Variants in MACO1 observed in about 807,000 individuals in gnomAD.
The protein encoded by MACO1 is macoilin 1, also known as macoilin.
A neutral mutation model predicts 78.7 loss-of-function variants in MACO1; 14 were observed. That is an observed-to-expected ratio of 0.18 (90% CI 0.12 to 0.28). MACO1 has a LOEUF of 0.28. Ranked by LOEUF, MACO1 falls within the 10% of genes least tolerant of loss-of-function variation. The pLI is 1.00. For synonymous variants in MACO1, 288 were observed against 291.6 expected (o/e 0.99, Z 0.12); for missense variants, 501 against 799.0 (o/e 0.63, Z 4.50).
chr1:25,460,783 A>G (rs1205355497), intron 6 of MACO1, among the ~76,000 whole-genome samples: 1 of 152,148 alleles, frequency 6.6e-6, no homozygotes, highest in Non-Finnish European at 1.5e-5. Context: ...CCCCGTGCCT[A>G]CACCTAAGGA....
chr1:25,451,610 A>C (rs1302321608), intron 3 of MACO1, among the ~76,000 whole-genome samples: 1 of 152,160 alleles, frequency 6.6e-6, no homozygotes, highest in Non-Finnish European at 1.5e-5. Flanking sequence ...TACATTGTGA[A>C]AATACCTATT....
chr1:25,481,543 C>T (rs1248537882), intron 6 of MACO1, among the ~76,000 whole-genome samples: 1 of 152,212 alleles, frequency 6.6e-6, no homozygotes, highest in Non-Finnish European at 1.5e-5. Flanking sequence ...AAAATGCAAT[C>T]CTCAGACTGT....
chr1:25,460,667 G>T (rs921449389), intron 6 of MACO1, among the ~76,000 whole-genome samples: 3 of 152,122 alleles, frequency 2.0e-5, no homozygotes, highest in African/African-American at 7.2e-5. Flanking sequence ...ATGATGGTTT[G>T]TGATATTGAT....
intron 2 of MACO1, among the ~76,000 whole-genome samples, chr1:25,447,206 C>T (rs1313733334): frequency 2.2e-5 from 3 of 134,732 alleles, no homozygotes; most frequent in African/African-American, 4.9e-5. Flanking sequence ...CCATAAAGGC[C>T]GTTCCTACCT....
chr1:25,462,602 A>G (rs1260446053), intron 6 of MACO1, among the ~76,000 whole-genome samples: 1 of 152,236 alleles, frequency 6.6e-6, no homozygotes, highest in African/African-American at 2.4e-5. Context: ...CTGTAATAAT[A>G]TAGATTAATT....
intron 10 of MACO1, among the ~76,000 whole-genome samples, chr1:25,491,841 TGAA>T (rs1464874174): frequency 6.6e-6 from 1 of 152,192 alleles, no homozygotes; most frequent in East Asian, 1.9e-4. Context: ...ACAGTGTTGT[TGAA>T]GAAGTAGAGA....
rs565944285 is a variant in MACO1 at position 25,469,089 on chromosome 1, T to A, written c.1154+10197T>A. ...AGCTCCTGACCTCAAGTGATCTGCC[T>A]GCCTTGGCCTCCCAAAGTGCTAGGA... On this transcript the variant is annotated intron_variant, in intron 6 of 10. Coordinates refer to ENST00000374343, the MANE Select transcript of MACO1 (RefSeq NM_018202.6). Among the ~76,000 whole-genome samples the A allele has an allele frequency of 5.6e-3, 695 of 123,612 alleles. 4 individuals carry two copies. Among genetic ancestry groups the A allele is most frequent in the African/African-American group, 0.017 (671 of 40,094 alleles). 81.1% of individuals were successfully genotyped at this position (123,612 alleles called of 152,430 possible).
intron 10 of MACO1, among the ~76,000 whole-genome samples, chr1:25,496,543 A>G (rs1357834884): frequency 1.3e-5 from 2 of 152,186 alleles, no homozygotes; most frequent in African/African-American, 4.8e-5. Context: ...AAGACCAGGA[A>G]GCTACATAGA....
Position 25,485,353 on chromosome 1 carries a change from A to C in MACO1, c.1314-260A>C, listed in dbSNP as rs932516481. On this transcript the variant is annotated intron_variant, in intron 7 of 10. Transcript: ENST00000374343. This position sits in a 1 kb window ranked among gnomAD's most constrained non-coding sequence, Gnocchi z 4.3. ...TTTGTTTTACCCTGTTTTCTGGATG[A>C]CCTTTTGTAGATCACTTACTTGAAC... is the stretch of plus-strand genomic sequence containing the variant. Among the ~76,000 whole-genome samples, 1 of 152,090 alleles carries C rather than the reference A, an allele frequency of 6.6e-6. No individual in the cohort carries two copies. The highest frequency in any genetic ancestry group is 2.4e-5 in the African/African-American group (1 of 41,416).
At chr1:25,444,472 G>A (rs768924064) in intron 1 of MACO1, among the ~76,000 whole-genome samples, 3 of 152,030 alleles carry the variant, frequency 2.0e-5, no homozygotes, top group East Asian at 1.9e-4. Flanking sequence ...CGTAGAAAGG[G>A]TTCTAGACAC....
intron 7 of MACO1, 63 bp downstream of exon 7, chr1:25,484,337 AG>A: frequency 1.3e-6 from 2 of 1,497,734 alleles, no homozygotes; most frequent in Non-Finnish European, 1.8e-6. Context: ...TCCTGTTGCC[AG>A]GGGTTGGAGC....
At position 25,484,092 on chromosome 1, in the gene MACO1, A is replaced by G. The variant is rs1373058293; in HGVS notation, c.1155-24A>G. 3.1e-6 allele frequency: 5 copies of G among 1,593,122 alleles called. No individual in the cohort carries two copies. The African/African-American group carries it at 4.0e-5, about 13-fold the overall frequency. Reference sequence around the variant, plus strand: ...TGTGGGTGCCCTCACCTAGATGAAAATGCTGCATTTCTCATTCTCCTAGGC... The same window carrying G: ...TGTGGGTGCCCTCACCTAGATGAAAGTGCTGCATTTCTCATTCTCCTAGGC... On this transcript the variant is annotated intron_variant, in intron 6 of 10. Coordinates refer to ENST00000374343, the MANE Select transcript of MACO1 (RefSeq NM_018202.6).
rs1221019427 is a variant in MACO1 at position 25,489,301 on chromosome 1, G to C, written c.1617+8G>C. ...CTAGAACTAAAAGTCCAGGTAAGGG[G>C]GGAACAAAAGACTTCCCTTGTATTT... On this transcript the variant is annotated splice_region_variant and intron_variant, in intron 9 of 10. Coordinates refer to ENST00000374343, the MANE Select transcript of MACO1 (RefSeq NM_018202.6). 3.1e-6 allele frequency: 5 copies of C among 1,612,578 alleles called. No homozygotes were observed. The highest frequency in any genetic ancestry group is 4.2e-6 in the Non-Finnish European group (5 of 1,179,498).
At chr1:25,446,685 A>G (rs535669219) in intron 1 of MACO1, 77 bp from the exon 2 acceptor site, 2 of 1,425,866 alleles carry the variant, frequency 1.4e-6, no homozygotes, top group Admixed American at 4.9e-5. Flanking sequence ...TGTCGTTTTA[A>G]ACAGAAACAG....
At chr1:25,445,074 G>A (rs1295234673) in intron 1 of MACO1, among the ~76,000 whole-genome samples, 1 of 149,240 alleles carries the variant, frequency 6.7e-6, no homozygotes, top group Admixed American at 6.7e-5. Context: ...GGGTGAGACA[G>A]GAGGAGCCCA....
At chr1:25,431,630 G>A (rs1571942653) in intron 1 of MACO1, among the ~76,000 whole-genome samples, 1 of 152,146 alleles carries the variant, frequency 6.6e-6, no homozygotes, top group African/African-American at 2.4e-5. Context: ...GCGCGGGGGG[G>A]TGGGGGAGGC....
In MACO1 at chr1:25,456,763, A is replaced by G; in HGVS notation, c.584A>G (p.Gln195Arg). The change falls in exon 5 of 11, where the codon CAA (glutamine) becomes CGA (arginine). Residue 195 changes from glutamine to arginine, a missense_variant. Gln to Arg is a conservative substitution (Grantham distance 43). Coordinates refer to ENST00000374343, the MANE Select transcript of MACO1 (RefSeq NM_018202.6). ...CAAAAAGAGAACGAGTTTTACATGCAACTTCTTCAACAAGCTCTCCCTCCA... is the reference window on the plus strand; with the variant it reads ...CAAAAAGAGAACGAGTTTTACATGCGACTTCTTCAACAAGCTCTCCCTCCA... ...EVQKENEFYM[Q>R]LLQQALPPEQ... 6.2e-7 allele frequency: 1 copy of G among 1,614,048 alleles called. No homozygotes were observed. The highest frequency in any genetic ancestry group is 2.2e-5 in the East Asian group (1 of 44,852).
intron 10 of MACO1, among the ~76,000 whole-genome samples, chr1:25,496,360 C>T (rs1057383442): frequency 6.6e-6 from 1 of 152,086 alleles, no homozygotes; most frequent in Non-Finnish European, 1.5e-5. Flanking sequence ...GTTGCCCGGG[C>T]TGGTCTCGAA....
rs866749451 is a variant in MACO1, at chr1:25,484,143, G to A, written c.1182G>A (p.Lys394=). The A allele has an allele frequency of 6.2e-7, 1 of 1,613,204 alleles. No individual in the cohort carries two copies. The highest frequency in any genetic ancestry group is 2.2e-5 in the East Asian group (1 of 44,830). The part of the protein sequence containing the change: ...VRLEQDIKKL[K]ADLQASRQVE... ...TGGAACAAGACATTAAAAAGTTAAA[G>A]GCTGACCTGCAAGCCAGCAGACAAG... is the stretch of plus-strand genomic sequence containing the variant. Residue 394 remains lysine (K), a synonymous_variant, in exon 7 of 11, where the codon AAG becomes AAA. Transcript: ENST00000374343.
Sources: allele counts gnomAD v4.1 joint callset (sites outside exome capture counted in the v4.1 genomes callset), GRCh38; gene constraint gnomAD v4.1.1; non-coding constraint Gnocchi (gnomAD v3.1); transcripts MANE v1.5; gene names NCBI Gene and HGNC (gene_info 2026-07-23, HGNC 2026-07-21).